ADK: variants seen among roughly 807,000 people sequenced by gnomAD.
ADK encodes the protein N6,N6-dimethyladenosine kinase.
In ADK, 24 loss-of-function variants were observed where a neutral mutation model predicts 44.7. The observed-to-expected ratio is 0.54, with a 90% CI of 0.39 to 0.76. The LOEUF (loss-of-function observed/expected upper bound fraction) is 0.76. Among genes scored for constraint, ADK ranks in the 30% least tolerant of loss-of-function variants. The pLI, the probability that ADK is intolerant of heterozygous loss-of-function variation, is 0.00. For missense variants in ADK, 321 were observed against 425.1 expected (o/e 0.76, Z 2.15); for synonymous variants, 128 against 142.6 (o/e 0.90, Z 0.73).
At chr10:74,484,073 A>G (rs183930579) in intron 6 of ADK, among the ~76,000 whole-genome samples, 34 of 152,286 alleles carry the variant, frequency 2.2e-4, no homozygotes, top group Non-Finnish European at 1.2e-4. Flanking sequence ...ATTTTTCCGT[A>G]TTAGTTTGTT....
intron 6 of ADK, among the ~76,000 whole-genome samples, chr10:74,413,213 A>G (rs541197330): frequency 4.6e-5 from 7 of 152,266 alleles, no homozygotes; most frequent in African/African-American, 1.7e-4. Flanking sequence ...TTCAACTGAA[A>G]GTCACCAGCT....
intron 6 of ADK, among the ~76,000 whole-genome samples, chr10:74,430,145 CT>C (rs1844932350): frequency 6.6e-6 from 1 of 152,040 alleles, no homozygotes; most frequent in Non-Finnish European, 1.5e-5. Context: ...TGTGTCCAAG[CT>C]TTTTTTAATT....
intron 1 of ADK, among the ~76,000 whole-genome samples, chr10:74,177,187 A>G (rs1196042959): frequency 6.6e-6 from 1 of 150,956 alleles, no homozygotes; most frequent in Non-Finnish European, 1.5e-5. Flanking sequence ...AATGTGCCCC[A>G]CCCGCGCCCC....
At chr10:74,439,204 T>C (rs1041784278) in intron 6 of ADK, among the ~76,000 whole-genome samples, 1 of 152,220 alleles carries the variant, frequency 6.6e-6, no homozygotes, top group Admixed American at 6.5e-5. Flanking sequence ...AGAACCCTTA[T>C]GTTCCACTGA....
intron 6 of ADK, among the ~76,000 whole-genome samples, chr10:74,428,600 G>C (rs1393367305): frequency 1.3e-5 from 2 of 152,186 alleles, no homozygotes; most frequent in African/African-American, 2.4e-5. Flanking sequence ...AAGTTGACCA[G>C]CAAATGTGGA....
At chr10:74,485,383 G>T (rs954410264) in intron 6 of ADK, among the ~76,000 whole-genome samples, 1 of 151,754 alleles carries the variant, frequency 6.6e-6, no homozygotes, top group Non-Finnish European at 1.5e-5. Context: ...TATTGCTTGA[G>T]CCCAGGATGT....
intron 3 of ADK, among the ~76,000 whole-genome samples, chr10:74,257,496 A>G (rs538181374): frequency 6.6e-6 from 1 of 152,194 alleles, no homozygotes; most frequent in Non-Finnish European, 1.5e-5. Flanking sequence ...CTTAAATGAA[A>G]AATATGAGTT....
intron 7 of ADK, among the ~76,000 whole-genome samples, chr10:74,587,783 A>G (rs2133915884): frequency 6.6e-6 from 1 of 151,742 alleles, no homozygotes; most frequent in South Asian, 2.1e-4. Context: ...GTTGAAAAGT[A>G]ATATTGCCTC....
intron 6 of ADK, among the ~76,000 whole-genome samples, chr10:74,400,784 A>C (rs1330512831): frequency 6.6e-6 from 1 of 152,170 alleles, no homozygotes; most frequent in African/African-American, 2.4e-5. Flanking sequence ...CCGTAACTAA[A>C]ACATCTGTCT....
rs557599071 is a variant in ADK at position 74,188,441 on chromosome 10, C to T, written c.66-12323C>T. 3.6e-4 allele frequency among the ~76,000 whole-genome samples: 54 copies of T among 149,496 alleles called. No homozygotes were observed. In the East Asian group the frequency reaches 5.5e-3, roughly 15 times the overall value. ...TTGGCTCACTGCAAGCTCCGCCTCC[C>T]GGGTTCACACCATTCTCCTGCCTCA... On this transcript the variant is annotated intron_variant, in intron 1 of 10. Transcript: ENST00000539909.
chr10:74,248,311 AC>A (rs1289076196), intron 3 of ADK, among the ~76,000 whole-genome samples: 1 of 152,164 alleles, frequency 6.6e-6, no homozygotes, highest in Non-Finnish European at 1.5e-5. Flanking sequence ...TAGTAGGAGT[AC>A]TAGCAAATGA....
At chr10:74,376,606 A>T (rs373270246) in intron 4 of ADK, among the ~76,000 whole-genome samples, 4 of 152,258 alleles carry the variant, frequency 2.6e-5, no homozygotes, top group African/African-American at 9.6e-5. Context: ...CCATCATATT[A>T]TTCACAATGG....
intron 6 of ADK, among the ~76,000 whole-genome samples, chr10:74,501,948 CTG>C (rs1481392355): frequency 1.3e-5 from 2 of 152,016 alleles, no homozygotes; most frequent in Non-Finnish European, 2.9e-5. Flanking sequence ...TTGCACAACA[CTG>C]TGAATATAAT....
intron 7 of ADK, among the ~76,000 whole-genome samples, chr10:74,562,163 T>C (rs913856499): frequency 2.0e-5 from 3 of 152,312 alleles, no homozygotes; most frequent in Non-Finnish European, 4.4e-5. Context: ...ACACCAACAT[T>C]ACTGTGGAAA....
intron 4 of ADK, among the ~76,000 whole-genome samples, chr10:74,346,715 C>T (rs573996386): frequency 2.0e-5 from 3 of 152,190 alleles, no homozygotes; most frequent in Non-Finnish European, 2.9e-5. Flanking sequence ...AGGACACAGA[C>T]TTTAGAGTGC....
Position 74,708,153 on chromosome 10 carries a change from G to GA in ADK, c.965-151dup, listed in dbSNP as rs35480343. ...TGACAGGGCAAGACTCCATCTCGGG[G>GA]AAAAAAAAAAAAAAAAAGACCTCCC... is the stretch of plus-strand genomic sequence containing the variant. On this transcript the variant is annotated intron_variant, in intron 10 of 10. Transcript: ENST00000539909. Among the ~76,000 whole-genome samples, 103,916 of 132,650 alleles carry GA rather than the reference G, an allele frequency of 0.78. 40,573 individuals carry two copies. Among genetic ancestry groups the GA allele is most frequent in the Middle Eastern group, 0.85 (217 of 254 alleles). The allele number at this position is 132,650 out of a possible 152,430, so 87.0% of individuals were successfully genotyped here. A position where few individuals can be genotyped will look rare whatever the true frequency, so the allele number is the denominator to read the frequency against.
At chr10:74,660,554 A>C (rs766082734) in intron 9 of ADK, among the ~76,000 whole-genome samples, 1 of 151,290 alleles carries the variant, frequency 6.6e-6, no homozygotes, top group African/African-American at 2.4e-5. Flanking sequence ...CCTGGGCAAC[A>C]TGACGAAAAC....
chr10:74,391,895 T>C (rs2132037655), intron 4 of ADK, among the ~76,000 whole-genome samples: 1 of 152,282 alleles, frequency 6.6e-6, no homozygotes, highest in East Asian at 1.9e-4. Flanking sequence ...ACATTCTACT[T>C]ATGTTTCTAT....
intron 3 of ADK, among the ~76,000 whole-genome samples, chr10:74,271,825 T>C (rs1419767729): frequency 2.0e-5 from 3 of 152,002 alleles, no homozygotes; most frequent in Non-Finnish European, 2.9e-5. Context: ...TTAATAGTAC[T>C]TACAAAAATG....
Sources: allele counts gnomAD v4.1 joint callset (sites outside exome capture counted in the v4.1 genomes callset), GRCh38; gene constraint gnomAD v4.1.1; transcripts MANE v1.5; gene names NCBI Gene and HGNC (gene_info 2026-07-23, HGNC 2026-07-21).